Variants in VWA8 observed in about 807,000 individuals in gnomAD.
The protein encoded by VWA8 is von Willebrand factor A domain-containing protein 8.
Under a neutral mutation model 241.5 loss-of-function variants are expected in VWA8, and 221 were observed. The observed-to-expected ratio is 0.91, with a 90% CI of 0.82 to 1.02. The LOEUF is 1.02. Ranked by LOEUF, VWA8 falls within the 50% of genes least tolerant of loss-of-function variation. VWA8 has a pLI of 0.00. For missense variants in VWA8, 2,322 were observed against 2,328.7 expected, an observed-to-expected ratio of 1.00 and a Z score of 0.06; for synonymous variants, 852 against 827.1, an observed-to-expected ratio of 1.03 and a Z score of -0.52.
chr13:41,641,854 C>T (rs551878103), intron 37 of VWA8, among the ~76,000 whole-genome samples: 4 of 151,518 alleles, frequency 2.6e-5, no homozygotes, highest in East Asian at 1.9e-4. Context: ...TTGGTATGCA[C>T]GTGTTTTATA....
At chr13:41,850,796 C>T (rs979034112) in intron 12 of VWA8, among the ~76,000 whole-genome samples, 2 of 152,164 alleles carry the variant, frequency 1.3e-5, no homozygotes, top group African/African-American at 2.4e-5. Context: ...GGATCACTAA[C>T]AATCAGGGAA....
intron 12 of VWA8, among the ~76,000 whole-genome samples, chr13:41,839,782 T>C (rs950149916): frequency 6.6e-6 from 1 of 152,228 alleles, no homozygotes; most frequent in African/African-American, 2.4e-5. Context: ...AGACTTGTAG[T>C]ACAGTTTGAA....
At position 41,865,861 on chromosome 13, in the gene VWA8, G is replaced by A. The variant is rs367814703; in HGVS notation, c.1347+41C>T. 6.2e-6 allele frequency: 10 copies of A among 1,614,054 alleles called. No homozygotes were observed. The African/African-American group carries it at 1.2e-4, about 19-fold the overall frequency. ...AAGAGGTAAGTCAAAATAACCAAAA[G>A]CCAGGAAACTAAAAGTCTGCAGTGA... On this transcript the variant is annotated intron_variant, in intron 11 of 44. Transcript: ENST00000379310.
intron 21 of VWA8, among the ~76,000 whole-genome samples, chr13:41,754,437 T>G (rs2045679221): frequency 6.6e-6 from 1 of 152,166 alleles, no homozygotes; most frequent in African/African-American, 2.4e-5. Context: ...GTCTTGGGTA[T>G]GTCTTTATCA....
At chr13:41,597,735 GT>G (rs997667425) in intron 40 of VWA8, among the ~76,000 whole-genome samples, 6 of 151,914 alleles carry the variant, frequency 3.9e-5, no homozygotes, top group Admixed American at 3.9e-4. Context: ...TACTTCACAA[GT>G]TTAAAACTCA....
intron 42 of VWA8, among the ~76,000 whole-genome samples, chr13:41,586,820 T>C (rs1469105708): frequency 1.3e-5 from 2 of 152,182 alleles, no homozygotes; most frequent in Admixed American, 6.5e-5. Context: ...TTTCTCATGA[T>C]TGAACTTTTG....
At chr13:41,856,034 A>G (rs774288708) in intron 12 of VWA8, among the ~76,000 whole-genome samples, 1 of 152,210 alleles carries the variant, frequency 6.6e-6, no homozygotes, top group Non-Finnish European at 1.5e-5. Flanking sequence ...TTCTGTTCTC[A>G]TTCAAAAATC....
At chr13:41,920,827 T>C (rs1876490179) in intron 2 of VWA8, among the ~76,000 whole-genome samples, 1 of 152,174 alleles carries the variant, frequency 6.6e-6, no homozygotes, top group Admixed American at 6.5e-5. Flanking sequence ...CAGGACCAGA[T>C]GGATTCACAG....
Position 41,784,691 on chromosome 13 carries a change from CATATACATATAT to C in VWA8, c.2171-802_2171-791del, listed in dbSNP as rs1436457409. The stretch of plus-strand genomic sequence containing the variant: ...CTCTCTCTCTCTCTTTATACATATA[CATATACATATAT>C]ATATATATATATATATATATATATA... On this transcript the variant is annotated intron_variant, in intron 18 of 44. Coordinates refer to ENST00000379310, the MANE Select transcript of VWA8 (RefSeq NM_015058.2). Among the ~76,000 whole-genome samples the C allele has an allele frequency of 8.8e-5, 4 of 45,462 alleles. No homozygotes were observed. In the East Asian group the frequency reaches 2.4e-3, roughly 27 times the overall value. 29.8% of individuals were successfully genotyped at this position (45,462 alleles called of 152,430 possible). A position where few individuals can be genotyped will look rare whatever the true frequency, so the allele number is the denominator to read the frequency against.
Position 41,912,062 on chromosome 13 carries a change from T to C in VWA8, c.348A>G (p.Arg116=), listed in dbSNP as rs1370266844. 6.3e-6 allele frequency: 10 copies of C among 1,599,282 alleles called. No homozygotes were observed. ...VFLIGPPGPL[R]RSIAMQYLEL... is the part of the protein sequence containing the mutation. ...CCAAGTACTGCATAGCAATAGAGCG[T>C]CGAAGAGGCCCAGGAGGTCCTATTA... The change falls in exon 3 of 45, where the codon CGA becomes CGG. Residue 116 remains arginine, a synonymous_variant. Coordinates refer to ENST00000379310, the MANE Select transcript of VWA8 (RefSeq NM_015058.2).
chr13:41,709,290 C>G (rs2045301852), intron 26 of VWA8, among the ~76,000 whole-genome samples: 1 of 152,114 alleles, frequency 6.6e-6, no homozygotes, highest in South Asian at 2.1e-4. Flanking sequence ...TCAGTTCTGC[C>G]ACCTAATCCT....
intron 17 of VWA8, among the ~76,000 whole-genome samples, chr13:41,803,138 G>A (rs1287496167): frequency 1.3e-5 from 2 of 152,244 alleles, no homozygotes; most frequent in East Asian, 3.8e-4. Context: ...TATGGCTGCA[G>A]TGACCAGAAT....
rs763209003 is a variant in VWA8 at position 41,705,761 on chromosome 13, GTC to G, written c.3117-2352_3117-2351del. Among the ~76,000 whole-genome samples, 8 of 152,142 alleles carry G rather than the reference GTC, an allele frequency of 5.3e-5. No individual in the cohort carries two copies. In the South Asian group the frequency reaches 6.2e-4, roughly 12 times the overall value. Reference sequence around the variant, plus strand: ...TGTAAAGTTCCTTACAGCTTGGGGAGTCTGTGAGGATCAAGGAAGAGAGTAGA... The same window carrying G: ...TGTAAAGTTCCTTACAGCTTGGGGAGTGTGAGGATCAAGGAAGAGAGTAGA... On this transcript the variant is annotated intron_variant, in intron 26 of 44. Coordinates refer to ENST00000379310, the MANE Select transcript of VWA8 (RefSeq NM_015058.2).
chr13:41,930,223 A>G (rs1416771216), intron 2 of VWA8, among the ~76,000 whole-genome samples: 1 of 152,212 alleles, frequency 6.6e-6, no homozygotes. Context: ...AAAAAATCAA[A>G]AGATAAATGT....
chr13:41,882,479 C>T (rs1416109583), intron 9 of VWA8, among the ~76,000 whole-genome samples: 1 of 152,172 alleles, frequency 6.6e-6, no homozygotes, highest in Non-Finnish European at 1.5e-5. Context: ...TTGTAGCGAG[C>T]CGAGATCACA....
chr13:41,687,803 A>T (rs1224891480), intron 34 of VWA8, among the ~76,000 whole-genome samples: 2 of 152,128 alleles, frequency 1.3e-5, no homozygotes. Flanking sequence ...AATACCTCCT[A>T]TGTGGTAGGT....
At position 41,926,022 on chromosome 13, in the gene VWA8, A is replaced by G. The variant is rs561688821; in HGVS notation, c.242-13854T>C. The G allele has an allele frequency of 2.9e-5, 12 of 416,866 alleles. No individual in the cohort carries two copies. The East Asian group carries it at 5.5e-4, about 19-fold the overall frequency. The allele number at this position is 416,866 out of a possible 1,614,324, so 25.8% of individuals were successfully genotyped here. A position where few individuals can be genotyped will look rare whatever the true frequency, so the allele number is the denominator to read the frequency against. On this transcript the variant is annotated intron_variant, in intron 2 of 44. Coordinates refer to ENST00000379310, the MANE Select transcript of VWA8 (RefSeq NM_015058.2). The stretch of plus-strand genomic sequence containing the variant: ...TAAAAGAGCTTCTGAGGGAAAGTTC[A>G]TCTTCTATGACCTTCAAGGAGAGGG...
At chr13:41,952,119 A>G (rs1320458313) in intron 1 of VWA8, among the ~76,000 whole-genome samples, 1 of 152,166 alleles carries the variant, frequency 6.6e-6, no homozygotes, top group South Asian at 2.1e-4. Context: ...CAAAGCATCA[A>G]CGTCACCTGG....
intron 21 of VWA8, among the ~76,000 whole-genome samples, chr13:41,744,824 T>C (rs1177879206): frequency 6.6e-6 from 1 of 151,942 alleles, no homozygotes; most frequent in South Asian, 2.1e-4. Flanking sequence ...GTTTAATTTA[T>C]TTATTTTTAT....
Sources: allele counts gnomAD v4.1 joint callset (sites outside exome capture counted in the v4.1 genomes callset), GRCh38; gene constraint gnomAD v4.1.1; transcripts MANE v1.5; gene names NCBI Gene and HGNC (gene_info 2026-07-23, HGNC 2026-07-21).